Variants in FARP2 observed in about 807,000 individuals in gnomAD.
FARP2 encodes FERM, ARHGEF and pleckstrin domain-containing protein 2.
FARP2 carries 111 observed loss-of-function variants against 130.5 expected under a neutral mutation model. The observed-to-expected ratio is 0.85, with a 90% CI of 0.73 to 1.00. The LOEUF (loss-of-function observed/expected upper bound fraction) is 1.00, where lower values mean the gene tolerates loss of function less well. FARP2 is among the 50% of genes least tolerant of loss of function. FARP2 has a pLI of 0.00. For missense variants in FARP2, 1,385 were observed against 1,346.3 expected (o/e 1.03, Z -0.45); for synonymous variants, 504 against 516.9 (o/e 0.98, Z 0.34).
intron 13 of FARP2, chr2:241,444,867 T>G (rs1436282712): frequency 2.0e-5 from 3 of 152,210 alleles, no homozygotes; most frequent in Non-Finnish European, 4.4e-5. Flanking sequence ...TTACCCACAC[T>G]TGACCATGCT....
At chr2:241,460,942 C>G (rs1046792767) in intron 14 of FARP2, among the ~76,000 whole-genome samples, 2 of 152,186 alleles carry the variant, frequency 1.3e-5, no homozygotes, top group African/African-American at 4.8e-5. Context: ...CTGTAGGGTG[C>G]TATCCCTTCA....
chr2:241,416,756 A>G (rs963714670), intron 7 of FARP2, among the ~76,000 whole-genome samples: 14 of 152,060 alleles, frequency 9.2e-5, no homozygotes, highest in African/African-American at 3.4e-4. Context: ...GTCTCTACAA[A>G]CAATTAGCCA....
At chr2:241,446,922 A>C (rs1182850204) in intron 13 of FARP2, 1 of 152,206 alleles carries the variant, frequency 6.6e-6, no homozygotes, top group African/African-American at 2.4e-5. Context: ...CATCTTTAGC[A>C]TGAAAACAAT....
chr2:241,434,925 A>ATTTTATG (rs759352277), intron 10 of FARP2, 37 bp from the exon 11 acceptor site: 5 of 1,204,400 alleles, frequency 4.2e-6, no homozygotes, highest in Non-Finnish European at 6.1e-6. Flanking sequence ...ATGCTGACTT[A>ATTTTATG]CTGTTCTTTA....
intron 14 of FARP2, among the ~76,000 whole-genome samples, chr2:241,457,188 G>A (rs2063869980): frequency 6.6e-6 from 1 of 152,196 alleles, no homozygotes; most frequent in African/African-American, 2.4e-5. Context: ...AACGGTCCCT[G>A]GAACCCACAG....
intron 2 of FARP2, among the ~76,000 whole-genome samples, chr2:241,383,658 G>A (rs1202391716): frequency 2.0e-5 from 3 of 152,148 alleles, no homozygotes; most frequent in African/African-American, 7.2e-5. Flanking sequence ...GGCTTGGGCA[G>A]AAGGGAGCAA....
At chr2:241,411,245 A>C (rs956729907) in intron 6 of FARP2, 115 bp downstream of exon 6, 1 of 698,658 alleles carries the variant, frequency 1.4e-6, no homozygotes, top group African/African-American at 1.8e-5. Flanking sequence ...CTGACCATAG[A>C]ATGAGGTGTT....
At chr2:241,481,056 C>CAAAAAAAA (rs34996407) in intron 19 of FARP2, among the ~76,000 whole-genome samples, 40 of 105,170 alleles carry the variant, frequency 3.8e-4, no homozygotes, top group Admixed American at 8.2e-4. Flanking sequence ...TTGTCTCTAC[C>CAAAAAAAA]AAAAAAAAAA....
chr2:241,442,755 C>T (rs1333188013), intron 13 of FARP2: 2 of 312,692 alleles, frequency 6.4e-6, no homozygotes, highest in Non-Finnish European at 1.2e-5. Flanking sequence ...CCTGAGTACT[C>T]CAGCCAGTCC....
intron 15 of FARP2, 28 bp downstream of exon 15, chr2:241,462,640 T>C (rs753222582): frequency 2.1e-6 from 3 of 1,443,594 alleles, no homozygotes; most frequent in Non-Finnish European, 2.9e-6. Context: ...TACTTTGATT[T>C]TTTTTTAAAA....
intron 18 of FARP2, among the ~76,000 whole-genome samples, chr2:241,473,505 C>T (rs546990991): frequency 5.9e-5 from 9 of 152,292 alleles, no homozygotes; most frequent in African/African-American, 1.9e-4. Flanking sequence ...GGATCATTAT[C>T]GTGCCATCAG....
At chr2:241,491,286 T>A in intron 23 of FARP2, 107 bp downstream of exon 23, 1 of 912,488 alleles carries the variant, frequency 1.1e-6, no homozygotes, top group Admixed American at 1.9e-5. Flanking sequence ...TCCCACACAA[T>A]CCCCTTCCAC....
At chr2:241,420,993 C>A (rs2062791518) in intron 8 of FARP2, among the ~76,000 whole-genome samples, 1 of 152,190 alleles carries the variant, frequency 6.6e-6, no homozygotes, top group South Asian at 2.1e-4. Context: ...TGCACTGAAA[C>A]TAACTAGGCG....
chr2:241,396,528 T>C (rs1175822141), intron 2 of FARP2, among the ~76,000 whole-genome samples: 6 of 152,122 alleles, frequency 3.9e-5, no homozygotes, highest in African/African-American at 7.2e-5. Context: ...GTGAAGGACA[T>C]GAACAGACAC....
At chr2:241,464,679 CCTT>C (rs2064123135) in intron 17 of FARP2, among the ~76,000 whole-genome samples, 1 of 151,004 alleles carries the variant, frequency 6.6e-6, no homozygotes, top group African/African-American at 2.4e-5. Flanking sequence ...AAAACAGAGT[CCTT>C]CTCAGAGCAG....
intron 4 of FARP2, among the ~76,000 whole-genome samples, chr2:241,406,121 G>A (rs562967710): frequency 5.8e-4 from 88 of 151,956 alleles, no homozygotes; most frequent in Middle Eastern, 3.4e-3. Context: ...GGCTAACATG[G>A]TGAAACTCCG....
At chr2:241,453,426 T>G (rs182649883) in intron 13 of FARP2, among the ~76,000 whole-genome samples, 5 of 149,378 alleles carry the variant, frequency 3.3e-5, no homozygotes, top group East Asian at 2.0e-4. Context: ...ATCGAGACCA[T>G]CCTGGCTAAC....
At chr2:241,457,854 G>A (rs1234948279) in intron 14 of FARP2, among the ~76,000 whole-genome samples, 1 of 152,186 alleles carries the variant, frequency 6.6e-6, no homozygotes, top group Non-Finnish European at 1.5e-5. Flanking sequence ...GGAGACAGTG[G>A]AGGAGCCACC....
chr2:241,366,864 T>G (rs558782849), intron 1 of FARP2, among the ~76,000 whole-genome samples: 1 of 152,224 alleles, frequency 6.6e-6, no homozygotes, highest in South Asian at 2.1e-4. Flanking sequence ...AGTTTGTTAA[T>G]GGCAGAGTTG....
Sources: allele counts gnomAD v4.1 joint callset (sites outside exome capture counted in the v4.1 genomes callset), GRCh38; gene constraint gnomAD v4.1.1; transcripts MANE v1.5; gene names NCBI Gene and HGNC (gene_info 2026-07-23, HGNC 2026-07-21).